The following TRPM3 variants were observed in gnomAD, a reference collection of about 807,000 sequenced individuals.
TRPM3 encodes the protein transient receptor potential cation channel subfamily M member 3, also known as long transient receptor potential channel 3.
TRPM3 carries 77 observed loss-of-function variants against 181.2 expected under a neutral mutation model. The observed-to-expected ratio is 0.42, with a 90% CI of 0.35 to 0.51. The LOEUF (loss-of-function observed/expected upper bound fraction) is 0.51, where lower values mean the gene tolerates loss of function less well. Ranked by LOEUF, TRPM3 falls within the 20% of genes least tolerant of loss-of-function variation. The pLI, the probability that TRPM3 is intolerant of heterozygous loss-of-function variation, is 0.01. For synonymous variants in TRPM3, 745 were observed against 796.4 expected, an observed-to-expected ratio of 0.94 and a Z score of 1.09; for missense variants, 1,759 against 2,196.7, an observed-to-expected ratio of 0.80 and a Z score of 3.98.
At chr9:70,556,576 G>C (rs901423714) in intron 22 of TRPM3, among the ~76,000 whole-genome samples, 1 of 151,900 alleles carries the variant, frequency 6.6e-6, no homozygotes, top group African/African-American at 2.4e-5. Flanking sequence ...ACAAAAATTA[G>C]TCAGGCATGG....
At chr9:70,559,580 C>G (rs79700181) in intron 22 of TRPM3, among the ~76,000 whole-genome samples, 143 of 152,298 alleles carry the variant, frequency 9.4e-4, no homozygotes, top group African/African-American at 3.3e-3. Context: ...GCCAATTAAT[C>G]TTGATGTTTT....
At chr9:70,989,094 T>C (rs1290407423) in intron 1 of TRPM3, among the ~76,000 whole-genome samples, 4 of 152,178 alleles carry the variant, frequency 2.6e-5, no homozygotes, top group Non-Finnish European at 5.9e-5. Flanking sequence ...GGGCATTGTC[T>C]TAAGTTTCTA....
At chr9:70,571,429 T>C (rs2052319004) in intron 22 of TRPM3, among the ~76,000 whole-genome samples, 1 of 152,170 alleles carries the variant, frequency 6.6e-6, no homozygotes, top group African/African-American at 2.4e-5. Flanking sequence ...GGAGGCCCTG[T>C]ACCTTGGAGG....
chr9:70,671,930 A>ATTTTT (rs10633740), intron 9 of TRPM3, among the ~76,000 whole-genome samples: 13 of 141,534 alleles, frequency 9.2e-5, no homozygotes, highest in African/African-American at 3.2e-4. Flanking sequence ...TGTCCAGCTA[A>ATTTTT]TTTTTTTTTT....
At chr9:70,753,870 G>T (rs2076607342) in intron 8 of TRPM3, among the ~76,000 whole-genome samples, 1 of 152,136 alleles carries the variant, frequency 6.6e-6, no homozygotes, top group Non-Finnish European at 1.5e-5. Context: ...ACGCTAGGAG[G>T]TCTGGCCGCT....
At chr9:70,868,016 A>G (rs1242686489) in intron 1 of TRPM3, among the ~76,000 whole-genome samples, 1 of 152,110 alleles carries the variant, frequency 6.6e-6, no homozygotes, top group African/African-American at 2.4e-5. Flanking sequence ...CTGTGTTTCT[A>G]GCTGACCCTT....
rs368315250 is a variant in TRPM3, at chr9:70,843,288, A to C, written c.677-161T>G. On this transcript the variant is annotated intron_variant, in intron 4 of 25. Transcript: ENST00000677713. ...CTACTTGTATTTAGGAGAAAACATA[A>C]ACTCATGGCTGTAATGCCAGATGCA... Among the ~76,000 whole-genome samples, 66 of 152,386 alleles carry C rather than the reference A, an allele frequency of 4.3e-4. No individual in the cohort carries two copies. The East Asian group carries it at 0.01, about 24-fold the overall frequency.
chr9:71,057,129 C>CAGAGTTGGATTTCTATGCCTTTCTT (rs1565093821), intron 1 of TRPM3, among the ~76,000 whole-genome samples: 10 of 152,134 alleles, frequency 6.6e-5, no homozygotes, highest in Non-Finnish European at 1.5e-5. Context: ...CCCCTCGACA[C>CAGAGTTGGATTTCTATGCCTTTCTT]AGAGTTGGAT....
In TRPM3 at chr9:70,945,216, C is replaced by T. The variant is rs754648793; in HGVS notation, c.178-80705G>A. On this transcript the variant is annotated intron_variant, in intron 1 of 25. Coordinates refer to ENST00000677713, the MANE Select transcript of TRPM3 (RefSeq NM_001366145.2). ...GACAAAATAGAGCTCATGCCCCTGCCCGGCCAGTCACTGTCTCATCATCTT... is the reference window on the plus strand; with the variant it reads ...GACAAAATAGAGCTCATGCCCCTGCTCGGCCAGTCACTGTCTCATCATCTT... Among the ~76,000 whole-genome samples, 46 of 152,276 alleles carry T rather than the reference C, an allele frequency of 3.0e-4. 1 individual carries two copies. Among genetic ancestry groups the T allele is most frequent in the Middle Eastern group, 3.4e-3 (1 of 294 alleles).
At chr9:71,271,248 T>C (rs2083767369) in intron 1 of TRPM3, among the ~76,000 whole-genome samples, 1 of 152,186 alleles carries the variant, frequency 6.6e-6, no homozygotes, top group African/African-American at 2.4e-5. Flanking sequence ...TTTCTCACAC[T>C]TATTCATAGC....
intron 1 of TRPM3, among the ~76,000 whole-genome samples, chr9:71,221,307 C>T (rs2131849525): frequency 6.6e-6 from 1 of 152,298 alleles, no homozygotes; most frequent in East Asian, 1.9e-4. Context: ...CGACCCTCAT[C>T]CTACAGCAGA....
In TRPM3 at chr9:71,057,742, A is replaced by G. The variant is rs78641235; in HGVS notation, c.177+63436T>C. ...TACATCATTTTCCCATTGGTCATGT[A>G]TTTTCCAATTTTAGTCCTTCTCATG... is the stretch of plus-strand genomic sequence containing the variant. On this transcript the variant is annotated intron_variant, in intron 1 of 25. Transcript: ENST00000677713. 4.9e-3 allele frequency among the ~76,000 whole-genome samples: 748 copies of G among 152,064 alleles called. 18 individuals are homozygous for G. In the East Asian group the frequency reaches 0.077, roughly 16 times the overall value.
At chr9:71,446,605 G>C in intron 1 of TRPM3, 2 of 1,529,960 alleles carry the variant, frequency 1.3e-6, no homozygotes, top group Non-Finnish European at 1.8e-6. Flanking sequence ...AGTCGCGTGC[G>C]AAGGGAGAAA....
chr9:71,035,545 T>C (rs1043983714), intron 1 of TRPM3, among the ~76,000 whole-genome samples: 3 of 152,106 alleles, frequency 2.0e-5, no homozygotes, highest in African/African-American at 7.2e-5. Context: ...GGCAAAACCC[T>C]GTCTCTGCTA....
intron 1 of TRPM3, among the ~76,000 whole-genome samples, chr9:71,195,954 C>T (rs1256438591): frequency 6.6e-6 from 1 of 150,942 alleles, no homozygotes; most frequent in Non-Finnish European, 1.5e-5. Flanking sequence ...CTGGGGCCTA[C>T]CAGAGGATGG....
intron 12 of TRPM3, among the ~76,000 whole-genome samples, chr9:70,627,514 C>T (rs927910217): frequency 1.1e-4 from 16 of 151,968 alleles, no homozygotes; most frequent in African/African-American, 2.4e-5. Flanking sequence ...CTCAGGTGAT[C>T]CTCCCGCCTC....
At chr9:70,997,906 GATATTCACTTAC>G (rs894595879) in intron 1 of TRPM3, among the ~76,000 whole-genome samples, 26 of 151,868 alleles carry the variant, frequency 1.7e-4, no homozygotes, top group African/African-American at 4.8e-4. Context: ...ACACTCCTCT[GATATTCACTTAC>G]ATAGCATCCA....
At chr9:70,758,500 C>CA (rs1372765752) in intron 8 of TRPM3, among the ~76,000 whole-genome samples, 2 of 152,020 alleles carry the variant, frequency 1.3e-5, no homozygotes, top group Non-Finnish European at 2.9e-5. Flanking sequence ...CATATGGAAC[C>CA]AAAAAAGAGC....
chr9:70,630,736 T>A (rs1005666984), intron 12 of TRPM3, among the ~76,000 whole-genome samples: 1 of 152,030 alleles, frequency 6.6e-6, no homozygotes, highest in Non-Finnish European at 1.5e-5. Context: ...CAGTGGGAGG[T>A]CATGTGATTC....
Sources: gnomAD v4.1 joint callset for allele counts (sites outside exome capture counted in the v4.1 genomes callset) on GRCh38, gnomAD v4.1.1 for gene constraint, MANE v1.5 for transcripts, NCBI Gene and HGNC (gene_info 2026-07-23, HGNC 2026-07-21) for gene names.